Variants in LEKR1 observed in about 807,000 individuals in gnomAD.
LEKR1 encodes protein LEKR1.
In LEKR1, 59 loss-of-function variants were observed where a neutral mutation model predicts 72.4. The ratio of observed to expected loss-of-function variants is 0.82; its 90% CI spans 0.66 to 1.01. The LOEUF is 1.01. Among genes scored for constraint, LEKR1 ranks in the 50% least tolerant of loss-of-function variants. The probability of loss-of-function intolerance (pLI) is 0.00; values close to 1 mark genes in which losing one functional copy is unlikely to be tolerated. For missense variants in LEKR1, 728 were observed against 759.2 expected (o/e 0.96, Z 0.48); for synonymous variants, 257 against 263.2 (o/e 0.98, Z 0.23).
intron 7 of LEKR1, among the ~76,000 whole-genome samples, chr3:156,987,728 A>T (rs1730819684): frequency 6.6e-6 from 1 of 152,218 alleles, no homozygotes; most frequent in Non-Finnish European, 1.5e-5. Context: ...ACCTACATGT[A>T]ATGTGATAAC....
chr3:156,895,870 A>G (rs1354593280), intron 3 of LEKR1, among the ~76,000 whole-genome samples: 2 of 152,204 alleles, frequency 1.3e-5, no homozygotes, highest in Non-Finnish European at 2.9e-5. Context: ...ATATATCCAG[A>G]GGAATATAAA....
chr3:156,990,194 G>A (rs1293870122), intron 7 of LEKR1, among the ~76,000 whole-genome samples: 1 of 151,892 alleles, frequency 6.6e-6, no homozygotes, highest in Non-Finnish European at 1.5e-5. Flanking sequence ...ATTTTTATTG[G>A]TCTGATGATT....
intron 12 of LEKR1, among the ~76,000 whole-genome samples, chr3:157,040,368 T>C (rs1228925320): frequency 5.3e-5 from 8 of 152,246 alleles, no homozygotes; most frequent in Non-Finnish European, 1.5e-5. Flanking sequence ...TGTTTGGGTA[T>C]GTCTATTGCA....
intron 3 of LEKR1, among the ~76,000 whole-genome samples, chr3:156,898,345 C>T (rs970062945): frequency 2.6e-5 from 4 of 151,938 alleles, no homozygotes; most frequent in African/African-American, 9.7e-5. Context: ...GGGCATGACT[C>T]CCCAGAACCC....
intron 3 of LEKR1, among the ~76,000 whole-genome samples, chr3:156,868,514 G>A (rs1319525570): frequency 2.0e-5 from 3 of 151,922 alleles, no homozygotes; most frequent in African/African-American, 7.2e-5. Context: ...AACAGGTAGA[G>A]GAAAAATGAA....
intron 6 of LEKR1, among the ~76,000 whole-genome samples, chr3:156,953,104 A>G (rs1441305149): frequency 1.3e-5 from 2 of 151,116 alleles, no homozygotes; most frequent in Non-Finnish European, 3.0e-5. Flanking sequence ...TAACTACAGT[A>G]TTTATTATTT....
intron 3 of LEKR1, among the ~76,000 whole-genome samples, chr3:156,861,056 G>T (rs901614344): frequency 6.6e-5 from 10 of 152,118 alleles, no homozygotes; most frequent in Admixed American, 6.6e-4. Flanking sequence ...TGAGGCATTG[G>T]CTGCAGGGTG....
chr3:156,976,591 A>G (rs1489426089), intron 6 of LEKR1, among the ~76,000 whole-genome samples: 1 of 152,140 alleles, frequency 6.6e-6, no homozygotes, highest in Non-Finnish European at 1.5e-5. Context: ...TTTACTGCAT[A>G]TTTCATTGTT....
intron 2 of LEKR1, among the ~76,000 whole-genome samples, chr3:156,840,348 T>TA (rs1161212243): frequency 2.6e-5 from 4 of 152,230 alleles, no homozygotes; most frequent in Non-Finnish European, 5.9e-5. Context: ...CTTTAGTTTT[T>TA]ATGCTGTTCT....
intron 12 of LEKR1, among the ~76,000 whole-genome samples, chr3:157,042,262 A>C (rs749505917): frequency 6.6e-6 from 1 of 152,240 alleles, no homozygotes; most frequent in Non-Finnish European, 1.5e-5. Flanking sequence ...TAATAGAAGA[A>C]AGAGGATTAA....
chr3:156,946,267 G>A (rs561129757), intron 6 of LEKR1, among the ~76,000 whole-genome samples: 131 of 151,598 alleles, frequency 8.6e-4, no homozygotes, highest in African/African-American at 2.9e-3. Flanking sequence ...ATATAGAAAT[G>A]CTGCTGATTT....
chr3:156,932,410 A>G (rs530600616), intron 5 of LEKR1, among the ~76,000 whole-genome samples: 1 of 152,300 alleles, frequency 6.6e-6, no homozygotes, highest in South Asian at 2.1e-4. Flanking sequence ...GAATATTATA[A>G]CAAACATGTA....
chr3:156,889,170 TATTTGCCTG>T (rs1420684412), intron 3 of LEKR1, among the ~76,000 whole-genome samples: 1 of 152,148 alleles, frequency 6.6e-6, no homozygotes, highest in African/African-American at 2.4e-5. Flanking sequence ...TACTCTGTAA[TATTTGCCTG>T]ATGTTATATG....
chr3:156,987,651 T>C (rs1341870848), intron 7 of LEKR1, among the ~76,000 whole-genome samples: 1 of 152,222 alleles, frequency 6.6e-6, no homozygotes, highest in African/African-American at 2.4e-5. Context: ...TATTTTCTTA[T>C]CATGAATAAT....
chr3:156,864,066 A>T (rs1214567385), intron 3 of LEKR1, among the ~76,000 whole-genome samples: 3 of 152,078 alleles, frequency 2.0e-5, no homozygotes, highest in Non-Finnish European at 4.4e-5. Context: ...TATTTTAATC[A>T]ACTAAAGTGG....
chr3:157,009,727 T>C (rs2108021706), intron 9 of LEKR1, among the ~76,000 whole-genome samples: 1 of 152,232 alleles, frequency 6.6e-6, no homozygotes, highest in African/African-American at 2.4e-5. Context: ...GATTTGTCTA[T>C]AACTGAGAAA....
At chr3:156,925,390 C>T (rs1007318888) in intron 4 of LEKR1, 1 of 149,144 alleles carries the variant, frequency 6.7e-6, no homozygotes, top group South Asian at 2.1e-4. Flanking sequence ...ACTCCAAGTC[C>T]TTTTACCTCT....
At chr3:156,837,078 T>A (rs1560013500) in intron 2 of LEKR1, among the ~76,000 whole-genome samples, 3 of 152,022 alleles carry the variant, frequency 2.0e-5, no homozygotes, top group Admixed American at 2.0e-4. Context: ...AAATTCCTTT[T>A]AAAAAAAATG....
rs767175894 is a variant in LEKR1 at position 156,993,158 on chromosome 3, G to A, written c.990G>A (p.Val330=). The A allele has an allele frequency of 6.2e-7, 1 of 1,612,294 alleles. No individual in the cohort carries two copies. Among genetic ancestry groups the A allele is most frequent in the East Asian group, 2.2e-5 (1 of 44,748 alleles). ...IYKALQEELT[V]KEKQEEDIKR... ...AAGCATTACAGGAAGAGCTGACTGTGAAAGAAAAGCAAGAAGAAGACATAA... is the reference window on the plus strand; with the variant it reads ...AAGCATTACAGGAAGAGCTGACTGTAAAAGAAAAGCAAGAAGAAGACATAA... Residue 330 remains valine, a synonymous_variant, in exon 9 of 13, where the codon GTG becomes GTA. Transcript: ENST00000356539.
Sources: gnomAD v4.1 joint callset for allele counts (sites outside exome capture counted in the v4.1 genomes callset) on GRCh38, gnomAD v4.1.1 for gene constraint, MANE v1.5 for transcripts, NCBI Gene and HGNC (gene_info 2026-07-23, HGNC 2026-07-21) for gene names.